Variants in FBXO17 observed in about 807,000 individuals in gnomAD.
FBXO17 encodes the protein F-box protein 17.
Under a neutral mutation model 34.1 loss-of-function variants are expected in FBXO17, and 43 were observed. The observed-to-expected ratio is 1.26, with a 90% confidence interval of 0.99 to 1.62. The LOEUF (loss-of-function observed/expected upper bound fraction) is 1.62, where lower values mean the gene tolerates loss of function less well. FBXO17 is among the 40% of genes most tolerant of loss of function. The probability of loss-of-function intolerance (pLI) is 0.00; values close to 1 mark genes in which losing one functional copy is unlikely to be tolerated. For synonymous variants in FBXO17, 169 were observed against 166.0 expected (o/e 1.02, Z -0.14); for missense variants, 424 against 386.7 (o/e 1.10, Z -0.81).
intron 1 of FBXO17, among the ~76,000 whole-genome samples, chr19:38,955,661 G>A (rs976988443): frequency 6.6e-6 from 1 of 150,880 alleles, no homozygotes; most frequent in African/African-American, 2.4e-5. Context: ...TTTTTGTATC[G>A]TTAGTAGAGA....
At chr19:38,972,337 G>C (rs1370968854) in intron 1 of FBXO17, among the ~76,000 whole-genome samples, 1 of 152,160 alleles carries the variant, frequency 6.6e-6, no homozygotes, top group East Asian at 1.9e-4. Flanking sequence ...CTGAGGTCAG[G>C]AGTTCGAGAC....
intron 1 of FBXO17, among the ~76,000 whole-genome samples, chr19:38,969,627 C>A (rs1975365934): frequency 8.0e-6 from 1 of 124,604 alleles, no homozygotes; most frequent in South Asian, 2.6e-4. Flanking sequence ...GACTGAATCT[C>A]ACTCTATCGC....
intron 4 of FBXO17, chr19:38,945,400 T>A (rs1162184786): frequency 5.9e-6 from 1 of 168,976 alleles, no homozygotes; most frequent in Non-Finnish European, 9.8e-6. Context: ...GACCCTGGGG[T>A]GGAGCCAGAG....
chr19:38,972,269 G>A (rs1039363425), intron 1 of FBXO17, among the ~76,000 whole-genome samples: 4 of 152,204 alleles, frequency 2.6e-5, no homozygotes, highest in Non-Finnish European at 4.4e-5. Flanking sequence ...GCCGGGAGCA[G>A]TGGCTCACTC....
intron 1 of FBXO17, among the ~76,000 whole-genome samples, chr19:38,974,057 T>TAC (rs1975428990): frequency 6.8e-6 from 1 of 147,928 alleles, no homozygotes; most frequent in African/African-American, 2.5e-5. Flanking sequence ...CACATATATA[T>TAC]ACACACATAT....
chr19:38,962,560 A>C (rs1975266747), intron 1 of FBXO17, among the ~76,000 whole-genome samples: 1 of 151,998 alleles, frequency 6.6e-6, no homozygotes, highest in Non-Finnish European at 1.5e-5. Flanking sequence ...CTGGTGCCGC[A>C]CCATAGGGAT....
rs774215606 is a variant in FBXO17 at position 38,942,707 on chromosome 19, T to TA, written c.737dup (p.Ser247IlefsTer3). On this transcript the variant is annotated frameshift_variant, in exon 6 of 6. Coordinates refer to ENST00000292852, the MANE Select transcript of FBXO17 (RefSeq NM_024907.7). LOFTEE classifies it high-confidence loss of function. ...CGTCTCTCCCGTACTGCTCAAAAGATACGTAGCGGATGCCCTTGCCAAAGT... is the reference window on the plus strand; with the variant it reads ...CGTCTCTCCCGTACTGCTCAAAAGATAACGTAGCGGATGCCCTTGCCAAAGT... 1.9e-6 allele frequency: 3 copies of TA among 1,606,000 alleles called. No homozygotes were observed. The highest frequency in any genetic ancestry group is 3.4e-5 in the Admixed American group (2 of 58,760).
chr19:38,965,287 C>T (rs1328860569), intron 1 of FBXO17, among the ~76,000 whole-genome samples: 3 of 151,986 alleles, frequency 2.0e-5, no homozygotes, highest in Non-Finnish European at 4.4e-5. Context: ...GTGGCCCACC[C>T]TCTTTTCAAT....
intron 1 of FBXO17, among the ~76,000 whole-genome samples, chr19:38,966,883 A>G (rs1416316922): frequency 1.3e-5 from 2 of 152,194 alleles, no homozygotes; most frequent in African/African-American, 4.8e-5. Context: ...TTAGACTATT[A>G]CCTCATACCA....
rs750439763 is a variant in FBXO17 at position 38,950,053 on chromosome 19, C to T, written c.267G>A (p.Glu89=). 1.3e-6 allele frequency: 2 copies of T among 1,568,790 alleles called. No homozygotes were observed. The highest frequency in any genetic ancestry group is 1.4e-5 in the African/African-American group (1 of 73,640). The part of the protein sequence containing the change: ...QRCLPSNEDK[E]EFPLCALARY... ...GCGCCAGGGCGCACAGCGGGAACTC[C>T]TCCTTGTCTTCGTTGCTGGGCAGGC... Residue 89 remains glutamate, a synonymous_variant, in exon 2 of 6, where the codon GAG becomes GAA. Transcript: ENST00000292852.
At chr19:38,952,539 C>A (rs1215307903) in intron 1 of FBXO17, 2 of 534,530 alleles carry the variant, frequency 3.7e-6, no homozygotes, top group South Asian at 2.8e-5. Flanking sequence ...CCTCCACCCT[C>A]CCCAAAACCC....
In FBXO17 at chr19:38,975,135, A is replaced by G. The variant is rs1233616634; in HGVS notation, c.-18+451T>C. ...TGTGCCCAAGTTGCTAAATCGAGAA[A>G]CCGCCCTCCAAGGCTTCTGATTCAC... On this transcript the variant is annotated intron_variant, in intron 1 of 5. Coordinates refer to ENST00000292852, the MANE Select transcript of FBXO17 (RefSeq NM_024907.7). The surrounding 1 kb of genome is among the most constrained non-coding windows in gnomAD (Gnocchi z 4.9). Among the ~76,000 whole-genome samples, 1 of 152,106 alleles carries G rather than the reference A, an allele frequency of 6.6e-6. No homozygotes were observed. Among genetic ancestry groups the G allele is most frequent in the Admixed American group, 6.6e-5 (1 of 15,250 alleles).
At chr19:38,943,682 C>A (rs1292118813) in intron 5 of FBXO17, among the ~76,000 whole-genome samples, 1 of 152,200 alleles carries the variant, frequency 6.6e-6, no homozygotes, top group South Asian at 2.1e-4. Flanking sequence ...CTCCACCTCC[C>A]CCGGTTCAAT....
chr19:38,954,055 G>C (rs1316155857), intron 1 of FBXO17, among the ~76,000 whole-genome samples: 1 of 152,140 alleles, frequency 6.6e-6, no homozygotes, highest in Non-Finnish European at 1.5e-5. Flanking sequence ...GAGGGGATCA[G>C]AGAAATGTCA....
intron 1 of FBXO17, among the ~76,000 whole-genome samples, chr19:38,966,169 C>CA (rs1307543841): frequency 6.6e-6 from 1 of 151,798 alleles, no homozygotes; most frequent in Non-Finnish European, 1.5e-5. Context: ...AGGGTTTCAC[C>CA]ATGTTAGTCA....
chr19:38,968,459 T>C (rs927314317), intron 1 of FBXO17, among the ~76,000 whole-genome samples: 2 of 150,856 alleles, frequency 1.3e-5, no homozygotes, highest in African/African-American at 4.9e-5. Context: ...ACCCTCCAGC[T>C]TGGGAGACAG....
intron 1 of FBXO17, among the ~76,000 whole-genome samples, chr19:38,965,966 T>TTTTA (rs915236150): frequency 2.0e-5 from 3 of 151,654 alleles, no homozygotes; most frequent in East Asian, 1.9e-4. Flanking sequence ...ATTTATTTAT[T>TTTTA]TTTATTTATT....
At chr19:38,955,920 T>C (rs927530609) in intron 1 of FBXO17, among the ~76,000 whole-genome samples, 1 of 152,084 alleles carries the variant, frequency 6.6e-6, no homozygotes, top group Admixed American at 6.6e-5. Context: ...GAAATGAGTA[T>C]TTTAAAGCAC....
In FBXO17 at chr19:38,942,481, T is replaced by G. The variant is rs1974903225; in HGVS notation, c.*127A>C. 1.9e-6 allele frequency: 2 copies of G among 1,045,014 alleles called. No individual in the cohort carries two copies. The highest frequency in any genetic ancestry group is 6.2e-5 in the East Asian group (2 of 32,236). The allele number at this position is 1,045,014 out of a possible 1,614,324, so 64.7% of individuals were successfully genotyped here. On this transcript the variant is annotated 3_prime_UTR_variant, in exon 6 of 6. Coordinates refer to ENST00000292852, the MANE Select transcript of FBXO17 (RefSeq NM_024907.7). The stretch of plus-strand genomic sequence containing the variant: ...TTCACTATGTTGCCCAGGCTGGTCT[T>G]GAACTCCCGAGCTCCAGTGATCCTC...
Sources: allele counts gnomAD v4.1 joint callset (sites outside exome capture counted in the v4.1 genomes callset), GRCh38; gene constraint gnomAD v4.1.1; non-coding constraint Gnocchi (gnomAD v3.1); transcripts MANE v1.5; gene names NCBI Gene and HGNC (gene_info 2026-07-23, HGNC 2026-07-21).